The following CSMD1 variants were observed in gnomAD, a reference collection of about 807,000 sequenced individuals.
CSMD1 encodes the protein CUB and sushi domain-containing protein 1.
CSMD1 carries 213 observed loss-of-function variants against 417.5 expected under a neutral mutation model. The ratio of observed to expected loss-of-function variants is 0.51; its 90% CI spans 0.46 to 0.57. CSMD1 has a LOEUF of 0.57. CSMD1 is among the 20% of genes least tolerant of loss of function. The pLI is 0.00. For synonymous variants in CSMD1, 2,862 were observed against 1,736.8 expected (o/e 1.65, Z -16.11); for missense variants, 6,923 against 4,529.7 (o/e 1.53, Z -15.17).
intron 3 of CSMD1, among the ~76,000 whole-genome samples, chr8:4,178,425 G>T (rs535046330): frequency 2.0e-5 from 3 of 150,770 alleles, no homozygotes; most frequent in Non-Finnish European, 4.4e-5. Context: ...TTGATGGGAC[G>T]TATCTCAAAA....
intron 6 of CSMD1, among the ~76,000 whole-genome samples, chr8:3,743,338 C>T (rs1195716676): frequency 6.6e-6 from 1 of 152,204 alleles, no homozygotes; most frequent in Non-Finnish European, 1.5e-5. Context: ...AAACAACTTG[C>T]TGCTTTTGCT....
At chr8:4,034,439 C>G (rs1386582545) in intron 3 of CSMD1, among the ~76,000 whole-genome samples, 2 of 152,064 alleles carry the variant, frequency 1.3e-5, no homozygotes, top group Non-Finnish European at 2.9e-5. Context: ...TCATTTTTGT[C>G]TTTTTTAATA....
At chr8:4,032,204 A>C (rs370955447) in intron 3 of CSMD1, 105 bp from the exon 4 acceptor site, 9 of 740,976 alleles carry the variant, frequency 1.2e-5, no homozygotes, top group African/African-American at 1.8e-5. Flanking sequence ...AAATGAGAAA[A>C]CCTCTAGCAT....
chr8:4,345,986 T>C (rs1458635808), intron 3 of CSMD1, among the ~76,000 whole-genome samples: 1 of 152,158 alleles, frequency 6.6e-6, no homozygotes, highest in Non-Finnish European at 1.5e-5. Context: ...CATTTGGAAT[T>C]TCAGTAGTTC....
chr8:3,611,933 T>G (rs1030335209), intron 8 of CSMD1, among the ~76,000 whole-genome samples: 1 of 152,146 alleles, frequency 6.6e-6, no homozygotes, highest in African/African-American at 2.4e-5. Flanking sequence ...GCATCTAAAA[T>G]TTAAGATGAC....
At chr8:4,125,532 C>T (rs764788505) in intron 3 of CSMD1, among the ~76,000 whole-genome samples, 12 of 152,290 alleles carry the variant, frequency 7.9e-5, no homozygotes, top group Non-Finnish European at 1.3e-4. Context: ...CTGTCAGGGG[C>T]GCGCAGCCTC....
intron 2 of CSMD1, among the ~76,000 whole-genome samples, chr8:4,463,474 G>C (rs975404509): frequency 2.0e-5 from 3 of 151,686 alleles, no homozygotes; most frequent in Admixed American, 6.6e-5. Context: ...GGTTATAGCA[G>C]AGTTATTCAT....
At chr8:3,596,899 C>T (rs1584939221) in intron 8 of CSMD1, among the ~76,000 whole-genome samples, 1 of 152,324 alleles carries the variant, frequency 6.6e-6, no homozygotes, top group East Asian at 1.9e-4. Flanking sequence ...TGGCACAATG[C>T]AAGCGCTCAG....
Position 3,487,552 on chromosome 8 carries a change from C to T in CSMD1, c.1448+6071G>A, listed in dbSNP as rs562877588. Among the ~76,000 whole-genome samples the T allele has an allele frequency of 2.6e-5, 4 of 152,292 alleles. No individual in the cohort carries two copies. In the South Asian group the frequency reaches 6.2e-4, roughly 24 times the overall value. On this transcript the variant is annotated intron_variant, in intron 11 of 69. Coordinates refer to ENST00000635120, the MANE Select transcript of CSMD1 (RefSeq NM_033225.6). ...TAGGAATAGCATATATAAATCGATA[C>T]ATCTAGTCACAAGGAGGGTATTCTA...
intron 3 of CSMD1, among the ~76,000 whole-genome samples, chr8:4,063,597 G>T (rs1585234038): frequency 6.6e-6 from 1 of 152,296 alleles, no homozygotes; most frequent in East Asian, 1.9e-4. Flanking sequence ...CTGACAAGGT[G>T]CCACGTACGT....
intron 1 of CSMD1, among the ~76,000 whole-genome samples, chr8:4,770,090 C>T (rs1014356117): frequency 1.3e-5 from 2 of 151,778 alleles, no homozygotes; most frequent in Admixed American, 6.6e-5. Context: ...AAAGATACTT[C>T]ATGCTCATAG....
Position 3,971,097 on chromosome 8 carries a change from A to G in CSMD1, c.818+26806T>C, listed in dbSNP as rs563959430. Among the ~76,000 whole-genome samples, 26 of 152,300 alleles carry G rather than the reference A, an allele frequency of 1.7e-4. No individual in the cohort carries two copies. The East Asian group carries it at 4.8e-3, about 28-fold the overall frequency. ...TGGGGGAGCCGATGTCTGATGACATAGAACCATGTGATCCAACATGGTGCT... is the reference window on the plus strand; with the variant it reads ...TGGGGGAGCCGATGTCTGATGACATGGAACCATGTGATCCAACATGGTGCT... On this transcript the variant is annotated intron_variant, in intron 5 of 69. Coordinates refer to ENST00000635120, the MANE Select transcript of CSMD1 (RefSeq NM_033225.6).
intron 1 of CSMD1, among the ~76,000 whole-genome samples, chr8:4,993,882 C>T (rs771067917): frequency 1.3e-5 from 2 of 152,166 alleles, no homozygotes; most frequent in African/African-American, 4.8e-5. Flanking sequence ...GTAGAGAGCC[C>T]GAACTTTCCA....
chr8:3,133,835 G>A (rs1817926888), intron 41 of CSMD1, among the ~76,000 whole-genome samples: 1 of 152,210 alleles, frequency 6.6e-6, no homozygotes, highest in African/African-American at 2.4e-5. Flanking sequence ...CTGAGAAAGG[G>A]TGGCATGGCC....
chr8:4,096,873 T>C (rs1455340041), intron 3 of CSMD1, among the ~76,000 whole-genome samples: 1 of 152,162 alleles, frequency 6.6e-6, no homozygotes, highest in Admixed American at 6.5e-5. Flanking sequence ...TGCAAAGCCA[T>C]CTTGCAATTT....
At chr8:3,447,214 G>T (rs558145687) in intron 12 of CSMD1, among the ~76,000 whole-genome samples, 37 of 152,238 alleles carry the variant, frequency 2.4e-4, no homozygotes, top group African/African-American at 7.2e-4. Context: ...ACCAGCATGC[G>T]TCTGCATCTA....
chr8:4,412,114 T>C (rs1796683339), intron 3 of CSMD1, among the ~76,000 whole-genome samples: 1 of 152,072 alleles, frequency 6.6e-6, no homozygotes, highest in Non-Finnish European at 1.5e-5. Flanking sequence ...TGTGCATGTG[T>C]GTTTAGCCAG....
intron 43 of CSMD1, 55 bp downstream of exon 43, chr8:3,110,103 A>G (rs1385136090): frequency 7.0e-7 from 1 of 1,428,920 alleles, no homozygotes; most frequent in Non-Finnish European, 9.5e-7. Flanking sequence ...TATGTATGCT[A>G]AGTCAGAATT....
chr8:3,289,881 T>G (rs977095758), intron 25 of CSMD1, among the ~76,000 whole-genome samples: 3 of 147,712 alleles, frequency 2.0e-5, no homozygotes, highest in Non-Finnish European at 4.4e-5. Flanking sequence ...TTTTGGCATT[T>G]TAGACATGAA....
Sources: allele counts gnomAD v4.1 joint callset (sites outside exome capture counted in the v4.1 genomes callset), GRCh38; gene constraint gnomAD v4.1.1; transcripts MANE v1.5; gene names NCBI Gene and HGNC (gene_info 2026-07-23, HGNC 2026-07-21).